The following FRMD3 variants were observed in gnomAD, a reference collection of about 807,000 sequenced individuals.
The protein encoded by FRMD3 is FERM domain-containing protein 3.
In FRMD3, 33 loss-of-function variants were observed where a neutral mutation model predicts 70.2. The ratio of observed to expected loss-of-function variants is 0.47; its 90% CI spans 0.36 to 0.63. The LOEUF (loss-of-function observed/expected upper bound fraction) is 0.63, where lower values mean the gene tolerates loss of function less well. Among genes scored for constraint, FRMD3 ranks in the 20% least tolerant of loss-of-function variants. The pLI is 0.00. For missense variants in FRMD3, 632 were observed against 711.4 expected (o/e 0.89, Z 1.27); for synonymous variants, 279 against 255.9 (o/e 1.09, Z -0.86).
Position 83,479,411 on chromosome 9 carries a change from G to A in FRMD3, c.147+58674C>T, listed in dbSNP as rs531939055. Among the ~76,000 whole-genome samples the A allele has an allele frequency of 5.4e-5, 6 of 111,786 alleles. No homozygotes were observed. The East Asian group carries it at 1.2e-3, about 23-fold the overall frequency. 73.3% of individuals were successfully genotyped at this position (111,786 alleles called of 152,430 possible). A position where few individuals can be genotyped will look rare whatever the true frequency, so the allele number is the denominator to read the frequency against. The stretch of plus-strand genomic sequence containing the variant: ...AAAAAGGAAGAAAGGAGGGAGGGAG[G>A]GAAGGATGAAAGGAGGGAAAGAAGG... On this transcript the variant is annotated intron_variant, in intron 1 of 13. Coordinates refer to ENST00000304195, the MANE Select transcript of FRMD3 (RefSeq NM_174938.6).
intron 1 of FRMD3, among the ~76,000 whole-genome samples, chr9:83,514,974 A>T (rs962352227): frequency 1.3e-5 from 2 of 152,362 alleles, no homozygotes; most frequent in East Asian, 3.9e-4. Context: ...CCAAAAGCAA[A>T]GACCAAAGGT....
intron 13 of FRMD3, among the ~76,000 whole-genome samples, chr9:83,266,525 G>T (rs1363943595): frequency 6.6e-6 from 1 of 152,150 alleles, no homozygotes; most frequent in Non-Finnish European, 1.5e-5. Flanking sequence ...TTGGCAGAAG[G>T]TCAGTTCCAA....
intron 10 of FRMD3, among the ~76,000 whole-genome samples, chr9:83,303,943 G>C (rs1835019288): frequency 6.6e-6 from 1 of 152,134 alleles, no homozygotes; most frequent in African/African-American, 2.4e-5. Context: ...CGCTCATCTA[G>C]TTTATATATT....
Position 83,452,642 on chromosome 9 carries a change from C to G in FRMD3, c.148-62934G>C, listed in dbSNP as rs984489895. Among the ~76,000 whole-genome samples, 8 of 151,762 alleles carry G rather than the reference C, an allele frequency of 5.3e-5. No individual in the cohort carries two copies. In the South Asian group the frequency reaches 1.7e-3, roughly 32 times the overall value. On this transcript the variant is annotated intron_variant, in intron 1 of 13. Coordinates refer to ENST00000304195, the MANE Select transcript of FRMD3 (RefSeq NM_174938.6). The stretch of plus-strand genomic sequence containing the variant: ...GACTACAGGCGCCCACCACCGCACC[C>G]AGCTAATTTTTTTGTATTTTTAGTA...
intron 1 of FRMD3, among the ~76,000 whole-genome samples, chr9:83,436,991 G>C (rs1054440498): frequency 1.3e-5 from 2 of 152,120 alleles, no homozygotes; most frequent in African/African-American, 4.8e-5. Context: ...ACAGAAAACT[G>C]TTCAGATGTT....
intron 1 of FRMD3, among the ~76,000 whole-genome samples, chr9:83,494,037 T>A (rs572623203): frequency 5.3e-5 from 8 of 152,178 alleles, no homozygotes; most frequent in Non-Finnish European, 1.0e-4. Flanking sequence ...ATTTCCACTA[T>A]GGAGGCTGGA....
chr9:83,447,979 T>A (rs1189965677), intron 1 of FRMD3, among the ~76,000 whole-genome samples: 1 of 152,228 alleles, frequency 6.6e-6, no homozygotes, highest in Non-Finnish European at 1.5e-5. Context: ...GCTCCATAAA[T>A]GTGTCTTTTT....
intron 5 of FRMD3, 67 bp downstream of exon 5, chr9:83,343,123 G>A (rs1823830330): frequency 2.6e-6 from 3 of 1,138,982 alleles, no homozygotes; most frequent in East Asian, 2.3e-5. Flanking sequence ...TGGGAGAGAA[G>A]GGAGGCTTGA....
intron 3 of FRMD3, among the ~76,000 whole-genome samples, chr9:83,372,430 A>G (rs1231472105): frequency 6.6e-6 from 1 of 152,148 alleles, no homozygotes; most frequent in Non-Finnish European, 1.5e-5. Context: ...CCTAGAAGAA[A>G]AAATTGTTTT....
chr9:83,557,067 CT>C, the FRMD3 span, among the ~76,000 whole-genome samples: 11 of 152,044 alleles, frequency 7.2e-5, no homozygotes, highest in East Asian at 1.9e-3. Context: ...TTATGAAAAG[CT>C]TTTAAATTAA....
At chr9:83,485,869 C>T (rs764750221) in intron 1 of FRMD3, among the ~76,000 whole-genome samples, 1 of 151,668 alleles carries the variant, frequency 6.6e-6, no homozygotes, top group East Asian at 1.9e-4. Flanking sequence ...AAAGAGAATT[C>T]GAAATTCTCT....
chr9:83,434,183 C>G (rs1457873722), intron 1 of FRMD3, among the ~76,000 whole-genome samples: 1 of 152,230 alleles, frequency 6.6e-6, no homozygotes, highest in Non-Finnish European at 1.5e-5. Flanking sequence ...AAGATTGCTC[C>G]TGGCTAGGTG....
chr9:83,421,081 C>T (rs1316560318), intron 1 of FRMD3, among the ~76,000 whole-genome samples: 3 of 151,472 alleles, frequency 2.0e-5, no homozygotes, highest in Non-Finnish European at 4.4e-5. Flanking sequence ...GCTGGGACTA[C>T]AGGCGCCCGC....
chr9:83,553,961 C>T, the FRMD3 span, among the ~76,000 whole-genome samples: 4 of 152,118 alleles, frequency 2.6e-5, no homozygotes, highest in East Asian at 1.9e-4. Context: ...GTTCTTGCAT[C>T]GGTTCTTTCT....
Position 83,415,442 on chromosome 9 carries a change from C to CTT in FRMD3, c.148-25736_148-25735dup, listed in dbSNP as rs541899087. 4.1e-3 allele frequency among the ~76,000 whole-genome samples: 516 copies of CTT among 124,604 alleles called. 4 individuals are homozygous for CTT. Among genetic ancestry groups the CTT allele is most frequent in the African/African-American group, 0.012 (402 of 32,968 alleles). 81.7% of individuals were successfully genotyped at this position (124,604 alleles called of 152,430 possible). A position where few individuals can be genotyped will look rare whatever the true frequency, so the allele number is the denominator to read the frequency against. On this transcript the variant is annotated intron_variant, in intron 1 of 13. Coordinates refer to ENST00000304195, the MANE Select transcript of FRMD3 (RefSeq NM_174938.6). ...GTTCCTGAGACCGAGAAAGGAAATT[C>CTT]TTTTTTTTTTTTTTTTTTGAGACAG...
rs530949527 is a variant in FRMD3 at position 83,246,073 on chromosome 9, ACT to A, written c.*1843_*1844del. ...CAGGCTTCACGAACTGAGTTTCAAAACTCATTTCCAAAATTAAATGTCCAGTG... is the reference window on the plus strand; with the variant it reads ...CAGGCTTCACGAACTGAGTTTCAAAACATTTCCAAAATTAAATGTCCAGTG... On this transcript the variant is annotated 3_prime_UTR_variant, in exon 14 of 14. Transcript: ENST00000304195. 234 of 985,372 alleles carry A rather than the reference ACT, an allele frequency of 2.4e-4. 1 individual carries two copies. In the African/African-American group the frequency reaches 3.8e-3, roughly 16 times the overall value. 61.0% of individuals were successfully genotyped at this position (985,372 alleles called of 1,614,324 possible).
At chr9:83,431,599 T>C (rs1179114780) in intron 1 of FRMD3, among the ~76,000 whole-genome samples, 1 of 152,226 alleles carries the variant, frequency 6.6e-6, no homozygotes. Context: ...GATGAAACAT[T>C]TGACTTCTCT....
intron 3 of FRMD3, among the ~76,000 whole-genome samples, chr9:83,350,482 G>T (rs1824110895): frequency 6.6e-6 from 1 of 151,812 alleles, no homozygotes; most frequent in South Asian, 2.1e-4. Context: ...AATTAGCTGG[G>T]TGTGGTGGCA....
chr9:83,549,627 T>C, the FRMD3 span, among the ~76,000 whole-genome samples: 2 of 152,186 alleles, frequency 1.3e-5, no homozygotes, highest in Admixed American at 1.3e-4. Flanking sequence ...TTTTGACTTT[T>C]TAATAATAGC....
Sources: gnomAD v4.1 joint callset for allele counts (sites outside exome capture counted in the v4.1 genomes callset) on GRCh38, gnomAD v4.1.1 for gene constraint, MANE v1.5 for transcripts, NCBI Gene and HGNC (gene_info 2026-07-23, HGNC 2026-07-21) for gene names.